Variants in TMPRSS13 observed in about 807,000 individuals in gnomAD.
TMPRSS13 encodes transmembrane protease serine 13.
In TMPRSS13, 50 loss-of-function variants were observed where a neutral mutation model predicts 68.4. The observed-to-expected ratio is 0.73, with a 90% CI of 0.58 to 0.93. The LOEUF (loss-of-function observed/expected upper bound fraction) is 0.93, where lower values mean the gene tolerates loss of function less well. Ranked by LOEUF, TMPRSS13 falls within the 40% of genes least tolerant of loss-of-function variation. The pLI is 0.00. For synonymous variants in TMPRSS13, 267 were observed against 285.8 expected, an observed-to-expected ratio of 0.93 and a Z score of 0.66; for missense variants, 615 against 729.2, an observed-to-expected ratio of 0.84 and a Z score of 1.80.
At position 117,901,385 on chromosome 11, in the gene TMPRSS13, G is replaced by GA. The variant is rs2057409689; in HGVS notation, c.*853dup. On this transcript the variant is annotated 3_prime_UTR_variant, in exon 13 of 13. Transcript: ENST00000524993. Reference sequence around the variant, plus strand: ...CTCCAGATGCTGTAGTGACTTGGGGGATGCCCATCCTGGGGACTTTGTCCA... The same window carrying GA: ...CTCCAGATGCTGTAGTGACTTGGGGGAATGCCCATCCTGGGGACTTTGTCCA... 6.6e-6 allele frequency: 1 copy of GA among 152,568 alleles called. No individual in the cohort carries two copies. The allele number at this position is 152,568 out of a possible 1,614,324, so 9.5% of individuals were successfully genotyped here.
chr11:117,905,531 G>A lies in TMPRSS13; in HGVS notation c.1381+107C>T, dbSNP rs373190141. On this transcript the variant is annotated intron_variant, in intron 10 of 12. Transcript: ENST00000524993. ...GAATCCGTATACCCAAACGCTCATC[G>A]ACATAGGCCTTCATCTGTATACCCA... 13 of 923,024 alleles carry A rather than the reference G, an allele frequency of 1.4e-5. No homozygotes were observed. The African/African-American group carries it at 1.6e-4, about 12-fold the overall frequency. 57.2% of individuals were successfully genotyped at this position (923,024 alleles called of 1,614,324 possible). A position where few individuals can be genotyped will look rare whatever the true frequency, so the allele number is the denominator to read the frequency against.
intron 1 of TMPRSS13, among the ~76,000 whole-genome samples, chr11:117,924,206 C>A (rs1336533230): frequency 4.8e-4 from 4 of 8,334 alleles, no homozygotes; most frequent in Admixed American, 1.7e-3. Flanking sequence ...GAAAAGAAAA[C>A]CTACCCAAGC....
rs767233672 is a variant in TMPRSS13 at position 117,908,757 on chromosome 11, C to T, written c.1137G>A (p.Trp379Ter). 1.2e-6 allele frequency: 2 copies of T among 1,609,038 alleles called. No individual in the cohort carries two copies. The highest frequency in any genetic ancestry group is 1.7e-6 in the Non-Finnish European group (2 of 1,178,594). The change falls in exon 9 of 13, where the codon TGG (tryptophan) becomes TGA (stop). Residue 379 changes from tryptophan to a stop codon, truncating the protein, a stop_gained. Transcript: ENST00000524993. LOFTEE classifies it high-confidence loss of function. Reference protein sequence around the residue: ...FVTREKVLEGWKVYAGTSNLH... With the variant: ...FVTREKVLEG ...GGTTGCTGGTGCCCGCGTACACCTT[C>T]CAGCCCTCCAGGACCTTCTCCCGGG...
chr11:117,929,013 C>T (rs2134939811), intron 1 of TMPRSS13, among the ~76,000 whole-genome samples: 1 of 152,324 alleles, frequency 6.6e-6, no homozygotes, highest in South Asian at 2.1e-4. Flanking sequence ...TCACAGACCA[C>T]AGAGCAGGAA....
intron 5 of TMPRSS13, among the ~76,000 whole-genome samples, chr11:117,913,253 T>C (rs965717198): frequency 2.0e-5 from 3 of 152,212 alleles, no homozygotes; most frequent in African/African-American, 4.8e-5. Flanking sequence ...CTCTACCTGT[T>C]AGCACTGCCT....
chr11:117,925,741 C>G (rs563016340), intron 1 of TMPRSS13, among the ~76,000 whole-genome samples: 1 of 152,374 alleles, frequency 6.6e-6, no homozygotes, highest in African/African-American at 2.4e-5. Flanking sequence ...GCACATCCAC[C>G]CTTGTTGTTG....
chr11:117,908,516 G>T, intron 9 of TMPRSS13, 96 bp downstream of exon 9: 1 of 1,388,754 alleles, frequency 7.2e-7, no homozygotes, highest in Non-Finnish European at 9.9e-7. Flanking sequence ...GAAGCTTTGG[G>T]GCCCGGATAT....
At chr11:117,907,924 C>T in intron 9 of TMPRSS13, 23 of 680,668 alleles carry the variant, frequency 3.4e-5, no homozygotes, top group Non-Finnish European at 4.1e-5. Context: ...TGAATGAAGT[C>T]TTCTTTGACG....
At chr11:117,923,773 A>T (rs2057670142) in intron 1 of TMPRSS13, among the ~76,000 whole-genome samples, 1 of 150,078 alleles carries the variant, frequency 6.7e-6, no homozygotes, top group Admixed American at 6.7e-5. Context: ...AACACGGCAC[A>T]TGTATACATA....
chr11:117,903,466 G>A, intron 12 of TMPRSS13, 189 bp downstream of exon 12: 3 of 1,538,448 alleles, frequency 2.0e-6, no homozygotes, highest in African/African-American at 1.4e-5. Context: ...TCTGAGGGAA[G>A]AAAAGCAGGG....
chr11:117,903,607 G>C, intron 12 of TMPRSS13, 48 bp downstream of exon 12: 1 of 1,613,062 alleles, frequency 6.2e-7, no homozygotes, highest in Non-Finnish European at 8.5e-7. Context: ...CCCCACCTGA[G>C]GAAGTTCCCA....
At chr11:117,910,347 G>A (rs2057509289) in intron 7 of TMPRSS13, among the ~76,000 whole-genome samples, 1 of 152,304 alleles carries the variant, frequency 6.6e-6, no homozygotes, top group African/African-American at 2.4e-5. Flanking sequence ...CTGCCATTAG[G>A]TGCACAGGAA....
At position 117,914,338 on chromosome 11, in the gene TMPRSS13, C is replaced by A; in HGVS notation, c.679+54G>T. ...ACACACACACATATACAAACAGGCA[C>A]ACAAACACATGCACATGCACACGCA... On this transcript the variant is annotated intron_variant, in intron 4 of 12. Transcript: ENST00000524993. The surrounding 1 kb of genome is among the most constrained non-coding windows in gnomAD (Gnocchi z 4.2). 7 of 1,605,078 alleles carry A rather than the reference C, an allele frequency of 4.4e-6. No homozygotes were observed. Among genetic ancestry groups the A allele is most frequent in the Non-Finnish European group, 5.9e-6 (7 of 1,178,094 alleles).
At chr11:117,925,158 T>C (rs1378925257) in intron 1 of TMPRSS13, among the ~76,000 whole-genome samples, 1 of 152,224 alleles carries the variant, frequency 6.6e-6, no homozygotes, top group Non-Finnish European at 1.5e-5. Context: ...GTGGGGACTG[T>C]GGTGGGCTCT....
Position 117,913,791 on chromosome 11 carries a change from C to G in TMPRSS13, c.795G>C (p.Gln265His). 1.9e-6 allele frequency: 3 copies of G among 1,614,086 alleles called. No individual in the cohort carries two copies. Among genetic ancestry groups the G allele is most frequent in the Non-Finnish European group, 1.7e-6 (2 of 1,179,962 alleles). The part of the protein sequence containing the change: ...NDSYSEKTCQ[Q>H]LGFESAHRTT... The stretch of plus-strand genomic sequence containing the variant: ...TTGGGGGTTACCTCTCGAAACCCAG[C>G]TGCTGGCAGGTCTTCTCTGAGTAGG... The change falls in exon 5 of 13, where the codon CAG becomes CAC. Residue 265 changes from glutamine (Q) to histidine (H), a missense_variant. By Grantham distance (24) the Gln-to-His change is conservative. Coordinates refer to ENST00000524993, the MANE Select transcript of TMPRSS13 (RefSeq NM_001077263.3).
chr11:117,922,059 C>T lies in TMPRSS13; in HGVS notation c.22-3221G>A, dbSNP rs187378908. ...AGGCACTTCACGGCCTGCTGCCCCACGCTGCTGGAAGTTCTTCTGGATACC... is the reference window on the plus strand; with the variant it reads ...AGGCACTTCACGGCCTGCTGCCCCATGCTGCTGGAAGTTCTTCTGGATACC... On this transcript the variant is annotated intron_variant, in intron 1 of 12. Coordinates refer to ENST00000524993, the MANE Select transcript of TMPRSS13 (RefSeq NM_001077263.3). This position sits in a 1 kb window ranked among gnomAD's most constrained non-coding sequence, Gnocchi z 4.2. Among the ~76,000 whole-genome samples the T allele has an allele frequency of 9.8e-5, 15 of 152,350 alleles. No individual in the cohort carries two copies. Among genetic ancestry groups the T allele is most frequent in the Admixed American group, 3.9e-4 (6 of 15,308 alleles).
chr11:117,920,396 T>C (rs1461575007), intron 1 of TMPRSS13, among the ~76,000 whole-genome samples: 2 of 152,094 alleles, frequency 1.3e-5, no homozygotes, highest in Admixed American at 6.5e-5. Flanking sequence ...TGCAGTGCAG[T>C]GGCATGATCT....
chr11:117,917,081 C>A, intron 3 of TMPRSS13, 89 bp downstream of exon 3: 1 of 1,081,206 alleles, frequency 9.2e-7, no homozygotes. Flanking sequence ...GTGCTCCCCA[C>A]ACCTGTCTCC....
chr11:117,914,020 C>G lies in TMPRSS13; in HGVS notation c.680-114G>C, dbSNP rs2057548355. 1 of 1,292,374 alleles carries G rather than the reference C, an allele frequency of 7.7e-7. No homozygotes were observed. Among genetic ancestry groups the G allele is most frequent in the Admixed American group, 2.3e-5 (1 of 43,038 alleles). 80.1% of individuals were successfully genotyped at this position (1,292,374 alleles called of 1,614,324 possible). A position where few individuals can be genotyped will look rare whatever the true frequency, so the allele number is the denominator to read the frequency against. ...GCGCTTGTCCTGACAGCACTCCTTG[C>G]TGAGGCCTGGGAAAAGTCCAGGAAC... On this transcript the variant is annotated intron_variant, in intron 4 of 12. Transcript: ENST00000524993. The surrounding 1 kb of genome is among the most constrained non-coding windows in gnomAD (Gnocchi z 4.2).
Sources: gnomAD v4.1 joint callset for allele counts (sites outside exome capture counted in the v4.1 genomes callset) on GRCh38, gnomAD v4.1.1 for gene constraint, Gnocchi (gnomAD v3.1) non-coding constraint, MANE v1.5 for transcripts, NCBI Gene and HGNC (gene_info 2026-07-23, HGNC 2026-07-21) for gene names.